Variants in DCC observed in about 807,000 individuals in gnomAD.
DCC encodes the protein netrin receptor DCC.
Under a neutral mutation model 172.5 loss-of-function variants are expected in DCC, and 58 were observed. The observed-to-expected ratio is 0.34, with a 90% CI of 0.27 to 0.42. DCC has a LOEUF of 0.42. DCC is among the 10% of genes least tolerant of loss of function. The pLI is 1.00. For synonymous variants in DCC, 709 were observed against 644.5 expected, an observed-to-expected ratio of 1.10 and a Z score of -1.52; for missense variants, 1,740 against 1,791.0, an observed-to-expected ratio of 0.97 and a Z score of 0.51.
intron 1 of DCC, among the ~76,000 whole-genome samples, chr18:52,598,522 A>C (rs540844246): frequency 1.3e-5 from 2 of 152,304 alleles, no homozygotes; most frequent in Non-Finnish European, 2.9e-5. Flanking sequence ...CAAAGCTATA[A>C]CTATGGAGCA....
Position 53,174,377 on chromosome 18 carries a change from T to G in DCC, c.1419-4585T>G, listed in dbSNP as rs547653991. ...AGACACAAAAAACCCTTCAAAAAAT[T>G]AATCCAGGAGCTGGTTTTTTGAAAG... On this transcript the variant is annotated intron_variant, in intron 8 of 28. Transcript: ENST00000442544. Among the ~76,000 whole-genome samples, 47 of 150,750 alleles carry G rather than the reference T, an allele frequency of 3.1e-4. No individual in the cohort carries two copies. In the East Asian group the frequency reaches 8.8e-3, roughly 28 times the overall value.
intron 1 of DCC, among the ~76,000 whole-genome samples, chr18:52,573,170 T>G (rs1314527206): frequency 1.3e-5 from 2 of 152,158 alleles, no homozygotes; most frequent in East Asian, 3.9e-4. Context: ...AAAAATGTAA[T>G]AAATCTTGTA....
At chr18:53,312,456 A>G (rs1599013079) in intron 13 of DCC, among the ~76,000 whole-genome samples, 1 of 151,818 alleles carries the variant, frequency 6.6e-6, no homozygotes, top group African/African-American at 2.4e-5. Flanking sequence ...AAATTATTTA[A>G]ATTTTTAAAA....
At chr18:52,876,782 G>A (rs1187897789) in intron 2 of DCC, among the ~76,000 whole-genome samples, 1 of 152,116 alleles carries the variant, frequency 6.6e-6, no homozygotes, top group African/African-American at 2.4e-5. Flanking sequence ...GTGCTCAGGA[G>A]CTGCCTTAGA....
intron 2 of DCC, among the ~76,000 whole-genome samples, chr18:52,882,654 T>C (rs145238507): frequency 6.3e-4 from 96 of 152,266 alleles, no homozygotes; most frequent in African/African-American, 2.1e-3. Context: ...TTTTTTGAAA[T>C]GTTTTAAAAC....
chr18:52,844,861 G>A (rs1187065159), intron 2 of DCC, among the ~76,000 whole-genome samples: 1 of 152,166 alleles, frequency 6.6e-6, no homozygotes, highest in African/African-American at 2.4e-5. Context: ...ACCATCAAAA[G>A]TCTCTGGACA....
At chr18:52,458,040 A>T (rs531363531) in intron 1 of DCC, among the ~76,000 whole-genome samples, 1 of 152,146 alleles carries the variant, frequency 6.6e-6, no homozygotes, top group African/African-American at 2.4e-5. Context: ...ACAGGCGTGG[A>T]TGCGGCCACA....
intron 1 of DCC, among the ~76,000 whole-genome samples, chr18:52,397,179 G>A (rs1485933520): frequency 6.6e-6 from 1 of 151,790 alleles, no homozygotes; most frequent in Non-Finnish European, 1.5e-5. Flanking sequence ...TACGTGGGGA[G>A]CATGTAAAAC....
At chr18:52,688,737 T>C (rs1451041816) in intron 1 of DCC, among the ~76,000 whole-genome samples, 1 of 152,100 alleles carries the variant, frequency 6.6e-6, no homozygotes, top group African/African-American at 2.4e-5. Flanking sequence ...ATGTATTTTA[T>C]ACCATCACAT....
chr18:53,167,999 C>G (rs2054949420), intron 8 of DCC, among the ~76,000 whole-genome samples: 1 of 152,088 alleles, frequency 6.6e-6, no homozygotes. Flanking sequence ...CAAATCAAAT[C>G]AAAACCAAAA....
At chr18:52,937,928 A>G (rs2040404753) in intron 5 of DCC, among the ~76,000 whole-genome samples, 1 of 152,110 alleles carries the variant, frequency 6.6e-6, no homozygotes, top group African/African-American at 2.4e-5. Flanking sequence ...AACTTTGTAC[A>G]GTGAGCGAGT....
chr18:52,822,338 T>A lies in DCC; in HGVS notation c.412+69964T>A, dbSNP rs187407385. Among the ~76,000 whole-genome samples, 100 of 152,262 alleles carry A rather than the reference T, an allele frequency of 6.6e-4. 1 individual carries two copies. Among genetic ancestry groups the A allele is most frequent in the African/African-American group, 2.2e-3 (90 of 41,550 alleles). ...AAATGTGCTAGGTGCCCAATTAGTA[T>A]CTCTACCTACTGCTCATTCCAAAGG... On this transcript the variant is annotated intron_variant, in intron 2 of 28. Transcript: ENST00000442544.
At chr18:52,389,250 A>C (rs1985937473) in intron 1 of DCC, among the ~76,000 whole-genome samples, 1 of 152,150 alleles carries the variant, frequency 6.6e-6, no homozygotes, top group Non-Finnish European at 1.5e-5. Context: ...ACACTGGGGA[A>C]GTCCTACCTG....
chr18:53,346,760 C>T (rs977002742), intron 15 of DCC, among the ~76,000 whole-genome samples: 4 of 152,052 alleles, frequency 2.6e-5, no homozygotes, highest in Admixed American at 6.6e-5. Context: ...ACATCTGCAC[C>T]ATTTGGGTTG....
At chr18:53,407,968 G>T (rs974736429) in intron 19 of DCC, among the ~76,000 whole-genome samples, 2 of 152,080 alleles carry the variant, frequency 1.3e-5, no homozygotes, top group Non-Finnish European at 2.9e-5. Context: ...AGACAGAAAG[G>T]TCATACAACT....
chr18:52,859,073 T>C (rs1307876753), intron 2 of DCC, among the ~76,000 whole-genome samples: 6 of 152,014 alleles, frequency 3.9e-5, no homozygotes, highest in African/African-American at 1.4e-4. Context: ...GAGGCCAAGA[T>C]GACAATTACT....
rs569060713 is a variant in DCC at position 52,469,490 on chromosome 18, A to G, written c.91+128612A>G. On this transcript the variant is annotated intron_variant, in intron 1 of 28. Coordinates refer to ENST00000442544, the MANE Select transcript of DCC (RefSeq NM_005215.4). ...TTTATATATATGTTTGAATATTTGA[A>G]TATACTTATTTTATAAGAATGAGTG... Among the ~76,000 whole-genome samples the G allele has an allele frequency of 1.1e-4, 16 of 152,326 alleles. No individual in the cohort carries two copies. The South Asian group carries it at 2.7e-3, about 26-fold the overall frequency.
intron 16 of DCC, 94 bp downstream of exon 16, chr18:53,386,232 A>T: frequency 1.3e-6 from 1 of 798,284 alleles, no homozygotes; most frequent in Non-Finnish European, 2.2e-6. Context: ...ACAAAAATGA[A>T]TATATCCTAT....
intron 1 of DCC, among the ~76,000 whole-genome samples, chr18:52,574,694 A>G (rs993634257): frequency 6.6e-6 from 1 of 152,194 alleles, no homozygotes; most frequent in African/African-American, 2.4e-5. Context: ...AAAGTAAAGA[A>G]TAAATTCCCC....
Sources: gnomAD v4.1 joint callset for allele counts (sites outside exome capture counted in the v4.1 genomes callset) on GRCh38, gnomAD v4.1.1 for gene constraint, MANE v1.5 for transcripts, NCBI Gene and HGNC (gene_info 2026-07-23, HGNC 2026-07-21) for gene names.